Variants in APPBP2 observed in about 807,000 individuals in gnomAD.
The protein encoded by APPBP2 is amyloid beta precursor protein binding protein 2, also known as amyloid protein-binding protein 2.
Under a neutral mutation model 76.0 loss-of-function variants are expected in APPBP2, and 15 were observed. That is an observed-to-expected ratio of 0.20 (90% CI 0.13 to 0.30). The LOEUF is 0.30. APPBP2 is among the 10% of genes least tolerant of loss of function. The pLI, the probability that APPBP2 is intolerant of heterozygous loss-of-function variation, is 1.00. For synonymous variants in APPBP2, 222 were observed against 242.2 expected, an observed-to-expected ratio of 0.92 and a Z score of 0.77; for missense variants, 401 against 687.2, an observed-to-expected ratio of 0.58 and a Z score of 4.66.
At chr17:60,495,793 C>CA (rs1393701628) in intron 2 of APPBP2, among the ~76,000 whole-genome samples, 1 of 152,020 alleles carries the variant, frequency 6.6e-6, no homozygotes, top group Non-Finnish European at 1.5e-5. Flanking sequence ...GGTATATACT[C>CA]AAGAGAATTG....
chr17:60,471,246 T>C (rs954812763), intron 4 of APPBP2, among the ~76,000 whole-genome samples: 7 of 152,212 alleles, frequency 4.6e-5, no homozygotes, highest in East Asian at 1.9e-4. Flanking sequence ...AAAGTTTTTA[T>C]TTTGATTAAG....
At chr17:60,491,599 C>T (rs778606176) in intron 3 of APPBP2, among the ~76,000 whole-genome samples, 2 of 152,048 alleles carry the variant, frequency 1.3e-5, no homozygotes, top group Non-Finnish European at 2.9e-5. Flanking sequence ...CACCCGCCAA[C>T]AGGCCCGGCT....
At chr17:60,503,434 C>G (rs1215787382) in intron 1 of APPBP2, among the ~76,000 whole-genome samples, 1 of 144,888 alleles carries the variant, frequency 6.9e-6, no homozygotes, top group East Asian at 1.9e-4. Flanking sequence ...GTTGCCCAGG[C>G]TGGAGTACAG....
chr17:60,509,569 T>C (rs1416093176), intron 1 of APPBP2, among the ~76,000 whole-genome samples: 1 of 151,882 alleles, frequency 6.6e-6, no homozygotes, highest in African/African-American at 2.4e-5. Context: ...TTAGGAGGCC[T>C]AGGCAGGCGG....
intron 4 of APPBP2, among the ~76,000 whole-genome samples, chr17:60,472,018 T>C (rs191620318): frequency 6.6e-6 from 1 of 151,914 alleles, no homozygotes; most frequent in Non-Finnish European, 1.5e-5. Flanking sequence ...CCCAGCTACT[T>C]GGGTGGCTGA....
In APPBP2 at chr17:60,454,624, C is replaced by G; in HGVS notation, c.1148-132G>C. The G allele has an allele frequency of 3.1e-5, 17 of 549,746 alleles. 1 individual carries two copies. In the South Asian group the frequency reaches 7.5e-4, roughly 24 times the overall value. The allele number at this position is 549,746 out of a possible 1,614,324, so 34.1% of individuals were successfully genotyped here. A position where few individuals can be genotyped will look rare whatever the true frequency, so the allele number is the denominator to read the frequency against. ...TATGTGATTATGGTTTGGAACTGGTCAAGATGAAAGAATTCCACTTTTAAC... is the reference window on the plus strand; with the variant it reads ...TATGTGATTATGGTTTGGAACTGGTGAAGATGAAAGAATTCCACTTTTAAC... On this transcript the variant is annotated intron_variant, in intron 10 of 12. Coordinates refer to ENST00000083182, the MANE Select transcript of APPBP2 (RefSeq NM_006380.5).
At chr17:60,503,034 C>A (rs2090834913) in intron 1 of APPBP2, among the ~76,000 whole-genome samples, 1 of 129,918 alleles carries the variant, frequency 7.7e-6, no homozygotes, top group Non-Finnish European at 1.5e-5. Context: ...TTTTTTGGGA[C>A]AGAGTCTCTC....
chr17:60,500,532 TTC>T, intron 1 of APPBP2, 45 bp from the exon 2 acceptor site: 1 of 1,284,314 alleles, frequency 7.8e-7, no homozygotes, highest in Non-Finnish European at 1.1e-6. Context: ...AATTTAATTC[TTC>T]TTTTTACTTT....
chr17:60,455,733 T>A (rs1317561104), intron 10 of APPBP2, among the ~76,000 whole-genome samples: 2 of 152,144 alleles, frequency 1.3e-5, no homozygotes, highest in East Asian at 3.9e-4. Flanking sequence ...AATGCATGCA[T>A]GAGTGAATGA....
intron 1 of APPBP2, among the ~76,000 whole-genome samples, chr17:60,514,034 G>C (rs1391516545): frequency 1.3e-5 from 2 of 148,196 alleles, no homozygotes; most frequent in African/African-American, 5.0e-5. Flanking sequence ...GCCAGGCATG[G>C]TGGCTCACAC....
At chr17:60,465,950 CT>C (rs1288131327) in intron 5 of APPBP2, among the ~76,000 whole-genome samples, 4 of 152,062 alleles carry the variant, frequency 2.6e-5, no homozygotes, top group Non-Finnish European at 5.9e-5. Flanking sequence ...ATCCTCCTGC[CT>C]CAGCCTCCCA....
In APPBP2 at chr17:60,482,456, A is replaced by G. The variant is rs538788082; in HGVS notation, c.380-3185T>C. Among the ~76,000 whole-genome samples the G allele has an allele frequency of 6.4e-4, 98 of 152,198 alleles. 4 individuals are homozygous for G. The highest frequency in any genetic ancestry group is 6.4e-3 in the Admixed American group (98 of 15,278). ...TTTTATTTTTTAGGATTAAAAATTT[A>G]TTATTATTATACTTTAAGTTCTAGG... On this transcript the variant is annotated intron_variant, in intron 3 of 12. Coordinates refer to ENST00000083182, the MANE Select transcript of APPBP2 (RefSeq NM_006380.5).
At chr17:60,481,938 A>C (rs1288377109) in intron 3 of APPBP2, among the ~76,000 whole-genome samples, 1 of 152,214 alleles carries the variant, frequency 6.6e-6, no homozygotes, top group Non-Finnish European at 1.5e-5. Context: ...GCTAGAGTGC[A>C]ATAGCGTGAT....
intron 1 of APPBP2, among the ~76,000 whole-genome samples, chr17:60,510,869 A>AC (rs201536223): frequency 1.9e-3 from 294 of 152,250 alleles, no homozygotes; most frequent in African/African-American, 6.7e-3. Flanking sequence ...TAAAAGGGCA[A>AC]CCCTTTACTA....
chr17:60,471,459 T>C (rs1452639482), intron 4 of APPBP2, among the ~76,000 whole-genome samples: 1 of 152,152 alleles, frequency 6.6e-6, no homozygotes, highest in African/African-American at 2.4e-5. Context: ...TTTTCATAAA[T>C]ACTCTTTATC....
At chr17:60,522,175 G>C (rs1162820509) in intron 1 of APPBP2, among the ~76,000 whole-genome samples, 1 of 152,034 alleles carries the variant, frequency 6.6e-6, no homozygotes, top group Non-Finnish European at 1.5e-5. Flanking sequence ...CACATTTTTA[G>C]TCACCTTCCC....
chr17:60,479,925 C>T (rs139125230), intron 3 of APPBP2, among the ~76,000 whole-genome samples: 199 of 152,244 alleles, frequency 1.3e-3, no homozygotes, highest in African/African-American at 4.7e-3. Flanking sequence ...CCCAACGTAA[C>T]AGATGAAAAC....
chr17:60,500,994 T>C (rs1259144456), intron 1 of APPBP2, among the ~76,000 whole-genome samples: 1 of 152,176 alleles, frequency 6.6e-6, no homozygotes, highest in Non-Finnish European at 1.5e-5. Context: ...GTTTATACAT[T>C]CTGACTTTTT....
At chr17:60,511,635 A>C (rs1239347931) in intron 1 of APPBP2, among the ~76,000 whole-genome samples, 1 of 152,066 alleles carries the variant, frequency 6.6e-6, no homozygotes, top group Non-Finnish European at 1.5e-5. Flanking sequence ...CTCTATAAGA[A>C]AACTCATTCT....
Sources: gnomAD v4.1 joint callset for allele counts (sites outside exome capture counted in the v4.1 genomes callset) on GRCh38, gnomAD v4.1.1 for gene constraint, MANE v1.5 for transcripts, NCBI Gene and HGNC (gene_info 2026-07-23, HGNC 2026-07-21) for gene names.